Variants in SOX6 observed in about 807,000 individuals in gnomAD.
SOX6 encodes transcription factor SOX-6.
Under a neutral mutation model 97.8 loss-of-function variants are expected in SOX6, and 11 were observed. The ratio of observed to expected loss-of-function variants is 0.11; its 90% CI spans 0.07 to 0.19. The LOEUF (loss-of-function observed/expected upper bound fraction) is 0.19. SOX6 is among the 10% of genes least tolerant of loss of function. The pLI is 1.00. For missense variants in SOX6, 810 were observed against 1,039.5 expected (o/e 0.78, Z 3.04); for synonymous variants, 360 against 371.4 (o/e 0.97, Z 0.35).
chr11:16,041,719 C>T (rs151051922), intron 12 of SOX6, among the ~76,000 whole-genome samples: 429 of 152,250 alleles, frequency 2.8e-3, no homozygotes, highest in Middle Eastern at 0.014. Context: ...CTCCCTAGCA[C>T]ACTAACATAA....
rs1853256816 is a variant in SOX6, at chr11:15,970,037, A to T, written c.*2772T>A. 1 of 152,256 alleles carries T rather than the reference A, an allele frequency of 6.6e-6. No homozygotes were observed. Among genetic ancestry groups the T allele is most frequent in the Non-Finnish European group, 1.5e-5 (1 of 68,038 alleles). 9.4% of individuals were successfully genotyped at this position (152,256 alleles called of 1,614,324 possible). A position where few individuals can be genotyped will look rare whatever the true frequency, so the allele number is the denominator to read the frequency against. ...GTGTTCATACACACATGTATTTTGC[A>T]TAAATAAATGAAATAACAAGACATA... On this transcript the variant is annotated 3_prime_UTR_variant, in exon 16 of 16. Transcript: ENST00000683767.
intron 4 of SOX6, among the ~76,000 whole-genome samples, chr11:16,488,685 G>A (rs1860471576): frequency 2.0e-5 from 3 of 152,130 alleles, no homozygotes; most frequent in Admixed American, 1.3e-4. Context: ...GCACACTACA[G>A]GTTAGTCCTT....
At chr11:16,131,192 C>T (rs953567935) in intron 6 of SOX6, among the ~76,000 whole-genome samples, 1 of 150,062 alleles carries the variant, frequency 6.7e-6, no homozygotes, top group Non-Finnish European at 1.5e-5. Flanking sequence ...AAAATATCTG[C>T]CAAAAAGAAA....
chr11:16,694,469 G>A (rs1848038416), intron 3 of SOX6, among the ~76,000 whole-genome samples: 1 of 152,158 alleles, frequency 6.6e-6, no homozygotes, highest in African/African-American at 2.4e-5. Flanking sequence ...GCTACAGTGA[G>A]CTATGATAGT....
intron 4 of SOX6, among the ~76,000 whole-genome samples, chr11:16,533,394 G>A (rs986860852): frequency 6.6e-6 from 1 of 151,746 alleles, no homozygotes; most frequent in African/African-American, 2.4e-5. Flanking sequence ...AGAGTATTAA[G>A]ATCAAAAAAA....
At chr11:16,680,752 G>T (rs778612902) in intron 3 of SOX6, among the ~76,000 whole-genome samples, 2 of 152,218 alleles carry the variant, frequency 1.3e-5, no homozygotes, top group South Asian at 4.2e-4. Context: ...CAAAATAAAG[G>T]GATGGAAGAA....
chr11:16,101,251 A>G (rs920328405), intron 7 of SOX6, among the ~76,000 whole-genome samples: 10 of 151,696 alleles, frequency 6.6e-5, no homozygotes, highest in African/African-American at 2.4e-4. Context: ...GAATGCCATA[A>G]GTCTGAATTT....
chr11:16,239,379 G>C (rs1565040307), intron 3 of SOX6, among the ~76,000 whole-genome samples: 1 of 151,926 alleles, frequency 6.6e-6, no homozygotes, highest in Non-Finnish European at 1.5e-5. Flanking sequence ...ATAAATAGAG[G>C]CTGTTTTCAG....
At chr11:16,441,987 C>G (rs149761398) in intron 1 of SOX6, among the ~76,000 whole-genome samples, 64 of 152,330 alleles carry the variant, frequency 4.2e-4, no homozygotes, top group African/African-American at 1.3e-3. Flanking sequence ...ACTGGCAACT[C>G]TCTTCATAAC....
chr11:16,365,636 G>C (rs1269020455), intron 1 of SOX6, among the ~76,000 whole-genome samples: 1 of 152,066 alleles, frequency 6.6e-6, no homozygotes, highest in African/African-American at 2.4e-5. Context: ...AATGCACTGA[G>C]GCTTTCTTTG....
intron 6 of SOX6, among the ~76,000 whole-genome samples, chr11:16,144,231 C>T (rs1371648628): frequency 6.6e-6 from 1 of 152,172 alleles, no homozygotes; most frequent in Non-Finnish European, 1.5e-5. Context: ...GGAAACTGAA[C>T]AACCTGCTCC....
intron 4 of SOX6, among the ~76,000 whole-genome samples, chr11:16,188,482 T>C (rs1365326159): frequency 2.0e-5 from 3 of 152,086 alleles, no homozygotes; most frequent in Non-Finnish European, 4.4e-5. Flanking sequence ...AATTTATTGA[T>C]CCAGAACTTC....
chr11:16,604,708 C>T (rs1419616604), intron 4 of SOX6, among the ~76,000 whole-genome samples: 1 of 152,252 alleles, frequency 6.6e-6, no homozygotes, highest in Non-Finnish European at 1.5e-5. Flanking sequence ...ATCTCGCTAA[C>T]AGCCCAGCCC....
At chr11:16,513,141 A>G (rs1860906045) in intron 4 of SOX6, among the ~76,000 whole-genome samples, 1 of 152,222 alleles carries the variant, frequency 6.6e-6, no homozygotes, top group Non-Finnish European at 1.5e-5. Flanking sequence ...AAAAAGAAGC[A>G]TATGTGCAAC....
At chr11:16,178,679 G>A (rs557473037) in intron 6 of SOX6, among the ~76,000 whole-genome samples, 1 of 151,912 alleles carries the variant, frequency 6.6e-6, no homozygotes, top group South Asian at 2.1e-4. Context: ...ACTTTCAATA[G>A]GTTTATTTAG....
At chr11:16,446,628 T>C (rs1399643917) in intron 1 of SOX6, among the ~76,000 whole-genome samples, 1 of 152,140 alleles carries the variant, frequency 6.6e-6, no homozygotes, top group Admixed American at 6.6e-5. Flanking sequence ...CCAGGCGTGA[T>C]GGTCATTTTT....
intron 4 of SOX6, among the ~76,000 whole-genome samples, chr11:16,229,726 C>A (rs548209115): frequency 6.6e-6 from 1 of 151,680 alleles, no homozygotes; most frequent in African/African-American, 2.4e-5. Flanking sequence ...TATTTTATGG[C>A]AAAACTGACT....
At chr11:16,526,432 A>G (rs1364998719) in intron 4 of SOX6, among the ~76,000 whole-genome samples, 7 of 151,452 alleles carry the variant, frequency 4.6e-5, no homozygotes. Flanking sequence ...GAATTGAACA[A>G]TGAGAACACA....
At chr11:16,332,486 G>A (rs186943156) in intron 2 of SOX6, among the ~76,000 whole-genome samples, 1 of 152,168 alleles carries the variant, frequency 6.6e-6, no homozygotes, top group East Asian at 1.9e-4. Context: ...AGTATACTGG[G>A]AGTAGAAACA....
Sources: allele counts gnomAD v4.1 joint callset (sites outside exome capture counted in the v4.1 genomes callset), GRCh38; gene constraint gnomAD v4.1.1; transcripts MANE v1.5; gene names NCBI Gene and HGNC (gene_info 2026-07-23, HGNC 2026-07-21).